The following FBXO41 variants were observed in gnomAD, a reference collection of about 807,000 sequenced individuals.
FBXO41 encodes F-box protein 41.
In FBXO41, 33 loss-of-function variants were observed where a neutral mutation model predicts 81.6. The ratio of observed to expected loss-of-function variants is 0.40; its 90% CI spans 0.31 to 0.54. FBXO41 has a LOEUF of 0.54. Among genes scored for constraint, FBXO41 ranks in the 20% least tolerant of loss-of-function variants. FBXO41 has a pLI of 0.39. For missense variants in FBXO41, 1,107 were observed against 1,236.0 expected (o/e 0.90, Z 1.56); for synonymous variants, 576 against 552.7 (o/e 1.04, Z -0.59).
In FBXO41 at chr2:73,259,042, A is replaced by C; in HGVS notation, c.2568T>G (p.Ala856=). 1 of 1,603,744 alleles carries C rather than the reference A, an allele frequency of 6.2e-7. No homozygotes were observed. Among genetic ancestry groups the C allele is most frequent in the Non-Finnish European group, 8.5e-7 (1 of 1,175,126 alleles). Residue 856 remains alanine, a splice_region_variant and synonymous_variant, in exon 13 of 13, where the codon GCT becomes GCG. Coordinates refer to ENST00000520530, the MANE Select transcript of FBXO41 (RefSeq NM_001371389.2). This position sits in a 1 kb window ranked among gnomAD's most constrained non-coding sequence, Gnocchi z 4.2. ...TAGAGAAGCCGGGCCTCCGTCGCAG[A>C]GCCTGCGGACCGAACCCTGGGTTAG... ...LFEDMVTKLQ[A]LRRRPGFSKI...
intron 1 of FBXO41, among the ~76,000 whole-genome samples, chr2:73,275,437 C>T (rs1008225161): frequency 3.3e-5 from 5 of 152,192 alleles, no homozygotes; most frequent in Non-Finnish European, 5.9e-5. Flanking sequence ...CCCACCTTGG[C>T]CTGCCAAAGT....
Position 73,266,818 on chromosome 2 carries a change from C to A in FBXO41, c.906-136G>T. 7.4e-7 allele frequency: 1 copy of A among 1,344,970 alleles called. No individual in the cohort carries two copies. The highest frequency in any genetic ancestry group is 9.6e-7 in the Non-Finnish European group (1 of 1,038,492). 83.3% of individuals were successfully genotyped at this position (1,344,970 alleles called of 1,614,324 possible). ...CTGCTTATGGTCACATGGGTTCCTG[C>A]AGAACAGGCCTAGCACACAGCCCCG... On this transcript the variant is annotated intron_variant, in intron 2 of 12. Coordinates refer to ENST00000520530, the MANE Select transcript of FBXO41 (RefSeq NM_001371389.2). This position sits in a 1 kb window ranked among gnomAD's most constrained non-coding sequence, Gnocchi z 5.3.
chr2:73,283,230 TC>T (rs1315444785), intron 1 of FBXO41, among the ~76,000 whole-genome samples: 1 of 151,978 alleles, frequency 6.6e-6, no homozygotes, highest in East Asian at 1.9e-4. Context: ...TCCCTCTGAG[TC>T]CCCCAAGAAG....
chr2:73,275,818 G>T (rs944153716), intron 1 of FBXO41, among the ~76,000 whole-genome samples: 1 of 151,828 alleles, frequency 6.6e-6, no homozygotes, highest in Non-Finnish European at 1.5e-5. Context: ...ACAGAGTTTC[G>T]CTGTGTCTCT....
chr2:73,263,376 A>G (rs1449104869), intron 8 of FBXO41, 68 bp from the exon 9 acceptor site: 2 of 1,256,520 alleles, frequency 1.6e-6, no homozygotes, highest in Non-Finnish European at 2.1e-6. Context: ...ACACTTTGGG[A>G]GGTCAAGGCC....
At chr2:73,261,210 C>T (rs1688011331) in intron 9 of FBXO41, among the ~76,000 whole-genome samples, 1 of 152,122 alleles carries the variant, frequency 6.6e-6, no homozygotes, top group African/African-American at 2.4e-5. Context: ...GCATGCACTA[C>T]CATGCCCGGC....
At chr2:73,280,285 A>G (rs1233608432) in intron 1 of FBXO41, among the ~76,000 whole-genome samples, 1 of 152,214 alleles carries the variant, frequency 6.6e-6, no homozygotes, top group Non-Finnish European at 1.5e-5. Context: ...ATCCCCTTCT[A>G]TCTGGACCAC....
Position 73,269,109 on chromosome 2 carries a change from G to C in FBXO41, c.522C>G (p.Gly174=). 1 of 1,508,428 alleles carries C rather than the reference G, an allele frequency of 6.6e-7. No homozygotes were observed. The highest frequency in any genetic ancestry group is 8.8e-7 in the Non-Finnish European group (1 of 1,136,430). The allele number at this position is 1,508,428 out of a possible 1,614,324, so 93.4% of individuals were successfully genotyped here. A position where few individuals can be genotyped will look rare whatever the true frequency, so the allele number is the denominator to read the frequency against. ...GCCCGGGGCAAGGGCCGGGGCCGGG[G>C]CCAGGCGGCGGCGTCGAGCACGCCG... ...ASSACSTPPP[G]PGPGPCPGPA... The change falls in exon 2 of 13, where the codon GGC becomes GGG. Residue 174 remains glycine, a synonymous_variant. Coordinates refer to ENST00000520530, the MANE Select transcript of FBXO41 (RefSeq NM_001371389.2). The surrounding 1 kb of genome is among the most constrained non-coding windows in gnomAD (Gnocchi z 7.0).
At chr2:73,270,982 G>C (rs1212893379) in intron 1 of FBXO41, 2 of 527,638 alleles carry the variant, frequency 3.8e-6, no homozygotes, top group Non-Finnish European at 7.8e-6. Context: ...CAGCTGCCAT[G>C]AGCTTTCCTG....
At position 73,260,873 on chromosome 2, in the gene FBXO41, G is replaced by A. The variant is rs373617282; in HGVS notation, c.2172-15C>T. The A allele has an allele frequency of 9.1e-5, 141 of 1,547,540 alleles. No homozygotes were observed. In the African/African-American group the frequency reaches 1.7e-3, roughly 19 times the overall value. On this transcript the variant is annotated splice_polypyrimidine_tract_variant and intron_variant, in intron 9 of 12. Transcript: ENST00000520530. This position sits in a 1 kb window ranked among gnomAD's most constrained non-coding sequence, Gnocchi z 5.0. Reference sequence around the variant, plus strand: ...TGGGCTGCTGGCTGGAGAATGGGAAGGGGGAGCCGTCAGGGAAGTCTCTGG... The same window carrying A: ...TGGGCTGCTGGCTGGAGAATGGGAAAGGGGAGCCGTCAGGGAAGTCTCTGG...
chr2:73,265,873 G>A lies in FBXO41; in HGVS notation c.1205+20C>T, dbSNP rs768809934. ...AGGGTGAGGGTGGGCTGCATGGGGT[G>A]GGCTGGGCCCAAGGCTTACCCTGTG... On this transcript the variant is annotated intron_variant, in intron 4 of 12. Coordinates refer to ENST00000520530, the MANE Select transcript of FBXO41 (RefSeq NM_001371389.2). 1.7e-5 allele frequency: 27 copies of A among 1,572,790 alleles called. No individual in the cohort carries two copies. Among genetic ancestry groups the A allele is most frequent in the Non-Finnish European group, 2.3e-5 (27 of 1,158,410 alleles).
chr2:73,260,310 G>T lies in FBXO41; in HGVS notation c.2449+79C>A. ...TGGAGACTCTGATCCATCTGCCCCAGTGATAGTTAGGATACCTGCTGACAG... is the reference window on the plus strand; with the variant it reads ...TGGAGACTCTGATCCATCTGCCCCATTGATAGTTAGGATACCTGCTGACAG... On this transcript the variant is annotated intron_variant, in intron 11 of 12. Coordinates refer to ENST00000520530, the MANE Select transcript of FBXO41 (RefSeq NM_001371389.2). The surrounding 1 kb of genome is among the most constrained non-coding windows in gnomAD (Gnocchi z 5.0). 2 of 1,517,740 alleles carry T rather than the reference G, an allele frequency of 1.3e-6. No homozygotes were observed. Among genetic ancestry groups the T allele is most frequent in the Non-Finnish European group, 1.8e-6 (2 of 1,122,024 alleles). The allele number at this position is 1,517,740 out of a possible 1,614,324, so 94.0% of individuals were successfully genotyped here.
chr2:73,270,798 G>T (rs1472409476), intron 1 of FBXO41: 1 of 533,882 alleles, frequency 1.9e-6, no homozygotes, highest in South Asian at 1.4e-5. Flanking sequence ...CTCCTACCTT[G>T]TGGGGTCTCC....
chr2:73,264,335 G>A lies in FBXO41; in HGVS notation c.1749C>T (p.Ala583=). 2 of 1,613,690 alleles carry A rather than the reference G, an allele frequency of 1.2e-6. No individual in the cohort carries two copies. Among genetic ancestry groups the A allele is most frequent in the Non-Finnish European group, 1.7e-6 (2 of 1,179,894 alleles). The change falls in exon 6 of 13, where the codon GCC becomes GCT. Residue 583 remains alanine, a synonymous_variant. Coordinates refer to ENST00000520530, the MANE Select transcript of FBXO41 (RefSeq NM_001371389.2). ...CCCTTGTCCAGACTGCGGGGTGGCGGGCCACGAAGCGCCAGTCCCGGCAGA... is the reference window on the plus strand; with the variant it reads ...CCCTTGTCCAGACTGCGGGGTGGCGAGCCACGAAGCGCCAGTCCCGGCAGA... ...AEVCRDWRFV[A]RHPAVWTRVL... is the part of the protein sequence containing the mutation.
Position 73,269,224 on chromosome 2 carries a change from C to T in FBXO41, c.407G>A (p.Gly136Asp). ...SLPCEELAEP[G>D]LVPAAAARYA... ...GCGCGCTGCTGCGGCGGGCACAAGG[C>T]CCGGCTCGGCCAACTCCTCACAGGG... The change falls in exon 2 of 13, where the codon GGC (glycine) becomes GAC (aspartate). Residue 136 changes from glycine to aspartate, a missense_variant. Gly to Asp is a moderately conservative substitution (Grantham distance 94). Coordinates refer to ENST00000520530, the MANE Select transcript of FBXO41 (RefSeq NM_001371389.2). The surrounding 1 kb of genome is among the most constrained non-coding windows in gnomAD (Gnocchi z 7.0). 1.3e-6 allele frequency: 2 copies of T among 1,525,400 alleles called. No homozygotes were observed. Among genetic ancestry groups the T allele is most frequent in the South Asian group, 1.2e-5 (1 of 82,012 alleles). 94.5% of individuals were successfully genotyped at this position (1,525,400 alleles called of 1,614,324 possible).
At chr2:73,271,666 T>C (rs1056806126) in intron 1 of FBXO41, among the ~76,000 whole-genome samples, 1 of 144,960 alleles carries the variant, frequency 6.9e-6, no homozygotes, top group African/African-American at 2.6e-5. Flanking sequence ...AGTCTCACTC[T>C]TTCACCTGGG....
At position 73,269,214 on chromosome 2, in the gene FBXO41, G is replaced by A. The variant is rs1323006944; in HGVS notation, c.417C>T (p.Pro139=). The part of the protein sequence containing the change: ...CEELAEPGLV[P]AAAARYALRE... ...GCAGCGCATAGCGCGCTGCTGCGGC[G>A]GGCACAAGGCCCGGCTCGGCCAACT... Residue 139 remains proline (P), a synonymous_variant, in exon 2 of 13, where the codon CCC becomes CCT. Coordinates refer to ENST00000520530, the MANE Select transcript of FBXO41 (RefSeq NM_001371389.2). The surrounding 1 kb of genome is among the most constrained non-coding windows in gnomAD (Gnocchi z 7.0). 2.6e-6 allele frequency: 4 copies of A among 1,524,834 alleles called. No individual in the cohort carries two copies. Among genetic ancestry groups the A allele is most frequent in the South Asian group, 2.4e-5 (2 of 81,938 alleles). 94.5% of individuals were successfully genotyped at this position (1,524,834 alleles called of 1,614,324 possible).
At chr2:73,281,339 T>G (rs1688842506) in intron 1 of FBXO41, among the ~76,000 whole-genome samples, 1 of 152,230 alleles carries the variant, frequency 6.6e-6, no homozygotes, top group Admixed American at 6.5e-5. Context: ...ATGAGGAAAC[T>G]GAGGCTCAGT....
At position 73,255,029 on chromosome 2, in the gene FBXO41, T is replaced by C. The variant is rs568211739; in HGVS notation, c.*3953A>G. ...GAAGGTAGGGCCTAAGGGCCAGTTA[T>C]GGAGGTTGCCCACCAGTGGTGCCCA... On this transcript the variant is annotated 3_prime_UTR_variant, in exon 13 of 13. Coordinates refer to ENST00000520530, the MANE Select transcript of FBXO41 (RefSeq NM_001371389.2). 4 of 152,876 alleles carry C rather than the reference T, an allele frequency of 2.6e-5. No individual in the cohort carries two copies. The East Asian group carries it at 7.7e-4, about 30-fold the overall frequency. 9.5% of individuals were successfully genotyped at this position (152,876 alleles called of 1,614,324 possible).
Sources: allele counts gnomAD v4.1 joint callset (sites outside exome capture counted in the v4.1 genomes callset), GRCh38; gene constraint gnomAD v4.1.1; non-coding constraint Gnocchi (gnomAD v3.1); transcripts MANE v1.5; gene names NCBI Gene and HGNC (gene_info 2026-07-23, HGNC 2026-07-21).